SGK3: variants seen among roughly 807,000 people sequenced by gnomAD.
SGK3 encodes serum/glucocorticoid regulated kinase family member 3, also known as serine/threonine-protein kinase Sgk3.
A neutral mutation model predicts 68.5 loss-of-function variants in SGK3; 47 were observed. That is an observed-to-expected ratio of 0.69 (90% confidence interval 0.54 to 0.87). The LOEUF (loss-of-function observed/expected upper bound fraction) is 0.87. SGK3 is among the 40% of genes least tolerant of loss of function. The pLI is 0.00. For missense variants in SGK3, 479 were observed against 575.5 expected, an observed-to-expected ratio of 0.83 and a Z score of 1.72; for synonymous variants, 181 against 189.1, an observed-to-expected ratio of 0.96 and a Z score of 0.35.
intron 16 of SGK3, among the ~76,000 whole-genome samples, chr8:66,853,371 T>C (rs557839586): frequency 1.3e-5 from 2 of 152,344 alleles, no homozygotes; most frequent in East Asian, 3.9e-4. Context: ...TAATAACTTA[T>C]GATTGCATCT....
Position 66,726,801 on chromosome 8 carries a change from TAAAA to T in SGK3, c.-122+13987_-122+13990del, listed in dbSNP as rs560794837. Among the ~76,000 whole-genome samples, 456 of 80,974 alleles carry T rather than the reference TAAAA, an allele frequency of 5.6e-3. 12 individuals carry two copies. Among genetic ancestry groups the T allele is most frequent in the African/African-American group, 0.025 (432 of 17,318 alleles). The allele number at this position is 80,974 out of a possible 152,430, so 53.1% of individuals were successfully genotyped here. A position where few individuals can be genotyped will look rare whatever the true frequency, so the allele number is the denominator to read the frequency against. On this transcript the variant is annotated intron_variant, in intron 1 of 16. Transcript: ENST00000521198. ...GAATGACAGAGCAAGACCCTGTCTG[TAAAA>T]AAAAAAAAAAAAAAAAAAGATTTAA...
chr8:66,842,114 A>G (rs912890234), intron 13 of SGK3, among the ~76,000 whole-genome samples: 1 of 151,916 alleles, frequency 6.6e-6, no homozygotes, highest in African/African-American at 2.4e-5. Context: ...TAGTGCTTGT[A>G]TATATTTATA....
chr8:66,804,951 C>T (rs1808089897), intron 4 of SGK3, among the ~76,000 whole-genome samples: 1 of 152,036 alleles, frequency 6.6e-6, no homozygotes, highest in Non-Finnish European at 1.5e-5. Flanking sequence ...TGGTGGCGTG[C>T]ACCTGTAGTC....
At chr8:66,815,209 T>C (rs995326775) in intron 5 of SGK3, among the ~76,000 whole-genome samples, 1 of 152,252 alleles carries the variant, frequency 6.6e-6, no homozygotes, top group East Asian at 1.9e-4. Context: ...TTGAATTTAC[T>C]AAATTACTAA....
intron 15 of SGK3, among the ~76,000 whole-genome samples, chr8:66,849,329 C>T (rs1047184871): frequency 6.6e-6 from 1 of 152,202 alleles, no homozygotes; most frequent in Non-Finnish European, 1.5e-5. Context: ...AAGGACATCA[C>T]TGTCCATGTG....
At chr8:66,731,993 CT>C (rs1401134989) in intron 1 of SGK3, among the ~76,000 whole-genome samples, 2 of 152,004 alleles carry the variant, frequency 1.3e-5, no homozygotes, top group Non-Finnish European at 2.9e-5. Flanking sequence ...TTTTGAGAAC[CT>C]TATTTATTAG....
At chr8:66,824,056 A>T (rs954951468) in intron 6 of SGK3, among the ~76,000 whole-genome samples, 2 of 152,144 alleles carry the variant, frequency 1.3e-5, no homozygotes, top group Non-Finnish European at 2.9e-5. Flanking sequence ...CTTCATTTTG[A>T]AAAAAGACAT....
chr8:66,721,421 C>T (rs868764094), intron 1 of SGK3, among the ~76,000 whole-genome samples: 2 of 152,196 alleles, frequency 1.3e-5, no homozygotes, highest in African/African-American at 4.8e-5. Context: ...ATCCCACTCT[C>T]TTCATGTTGG....
chr8:66,719,430 A>G (rs2130328061), intron 1 of SGK3, among the ~76,000 whole-genome samples: 1 of 152,176 alleles, frequency 6.6e-6, no homozygotes, highest in East Asian at 1.9e-4. Flanking sequence ...GGGTTCAAGC[A>G]ATCCTCCTGC....
Position 66,860,968 on chromosome 8 carries a change from C to G in SGK3, c.*1387C>G, listed in dbSNP as rs1810728435. 6.6e-6 allele frequency: 1 copy of G among 151,628 alleles called. No individual in the cohort carries two copies. The highest frequency in any genetic ancestry group is 2.1e-4 in the South Asian group (1 of 4,794). The allele number at this position is 151,628 out of a possible 1,614,324, so 9.4% of individuals were successfully genotyped here. The stretch of plus-strand genomic sequence containing the variant: ...CGAAACCCTATCTCTACAAAAAATA[C>G]AAAAATTAGCCAGACATGGTGGCAC... On this transcript the variant is annotated 3_prime_UTR_variant, in exon 17 of 17. Transcript: ENST00000521198.
At chr8:66,838,873 AG>A (rs2130716924) in intron 10 of SGK3, among the ~76,000 whole-genome samples, 1 of 152,334 alleles carries the variant, frequency 6.6e-6, no homozygotes, top group African/African-American at 2.4e-5. Context: ...ACGAATACTT[AG>A]CTTTGTATAC....
chr8:66,814,592 G>A (rs1341907114), intron 5 of SGK3, among the ~76,000 whole-genome samples: 2 of 152,174 alleles, frequency 1.3e-5, no homozygotes, highest in Non-Finnish European at 2.9e-5. Flanking sequence ...GAGTTGTCTG[G>A]GGTTGGGTGC....
intron 1 of SGK3, among the ~76,000 whole-genome samples, chr8:66,759,553 T>A (rs1187086371): frequency 6.6e-6 from 1 of 152,210 alleles, no homozygotes; most frequent in East Asian, 1.9e-4. Flanking sequence ...TGCCTCAGCC[T>A]CCCAAGTAGC....
intron 1 of SGK3, among the ~76,000 whole-genome samples, chr8:66,713,871 T>C (rs1216867783): frequency 2.0e-5 from 3 of 152,208 alleles, no homozygotes; most frequent in Non-Finnish European, 4.4e-5. Context: ...GGGTGTGCCT[T>C]CTGGTCCCCT....
intron 5 of SGK3, among the ~76,000 whole-genome samples, chr8:66,816,186 T>C (rs1402219054): frequency 1.3e-5 from 2 of 151,720 alleles, no homozygotes; most frequent in African/African-American, 4.8e-5. Flanking sequence ...GTATTTTTAG[T>C]AGAGACGGGG....
Position 66,859,717 on chromosome 8 carries a change from G to GT in SGK3, c.*137dup, listed in dbSNP as rs1298808722. 5.6e-6 allele frequency: 6 copies of GT among 1,074,982 alleles called. No individual in the cohort carries two copies. The highest frequency in any genetic ancestry group is 7.3e-6 in the Non-Finnish European group (6 of 819,904). The allele number at this position is 1,074,982 out of a possible 1,614,324, so 66.6% of individuals were successfully genotyped here. A position where few individuals can be genotyped will look rare whatever the true frequency, so the allele number is the denominator to read the frequency against. ...GTAATGATGAAAACTATGAAAAAAT[G>GT]TATTTTCTTCTATGTGCAAGAAAAA... is the stretch of plus-strand genomic sequence containing the variant. On this transcript the variant is annotated 3_prime_UTR_variant, in exon 17 of 17. Coordinates refer to ENST00000521198, the MANE Select transcript of SGK3 (RefSeq NM_001033578.3).
At chr8:66,816,532 G>T (rs1808591917) in intron 5 of SGK3, among the ~76,000 whole-genome samples, 2 of 151,758 alleles carry the variant, frequency 1.3e-5, no homozygotes, top group Non-Finnish European at 2.9e-5. Flanking sequence ...TTTTAGTAGA[G>T]ACGGGATTTC....
At chr8:66,832,995 T>G (rs1202109792) in intron 8 of SGK3, among the ~76,000 whole-genome samples, 2 of 150,916 alleles carry the variant, frequency 1.3e-5, no homozygotes, top group Non-Finnish European at 2.9e-5. Context: ...CACAGATCTG[T>G]TTTTAGAATT....
chr8:66,757,686 G>A (rs1381338993), intron 1 of SGK3, among the ~76,000 whole-genome samples: 1 of 151,548 alleles, frequency 6.6e-6, no homozygotes, highest in Non-Finnish European at 1.5e-5. Flanking sequence ...GGGCTGAGGT[G>A]GAGAGATCAC....
Sources: gnomAD v4.1 joint callset for allele counts (sites outside exome capture counted in the v4.1 genomes callset) on GRCh38, gnomAD v4.1.1 for gene constraint, MANE v1.5 for transcripts, NCBI Gene and HGNC (gene_info 2026-07-23, HGNC 2026-07-21) for gene names.